The following VWC2L variants were observed in gnomAD, a reference collection of about 807,000 sequenced individuals.
VWC2L encodes the protein von Willebrand factor C domain containing 2 like.
VWC2L carries 10 observed loss-of-function variants against 21.6 expected under a neutral mutation model. The ratio of observed to expected loss-of-function variants is 0.46; its 90% CI spans 0.29 to 0.78. The LOEUF (loss-of-function observed/expected upper bound fraction) is 0.78, where lower values mean the gene tolerates loss of function less well. Among genes scored for constraint, VWC2L ranks in the 30% least tolerant of loss-of-function variants. VWC2L has a pLI of 0.10. For missense variants in VWC2L, 209 were observed against 277.1 expected, an observed-to-expected ratio of 0.75 and a Z score of 1.74; for synonymous variants, 96 against 94.3, an observed-to-expected ratio of 1.02 and a Z score of -0.10.
At chr2:214,522,250 C>T (rs931348004) in intron 3 of VWC2L, among the ~76,000 whole-genome samples, 1 of 151,822 alleles carries the variant, frequency 6.6e-6, no homozygotes, top group African/African-American at 2.4e-5. Flanking sequence ...TGGCGGGAGC[C>T]TGTAGTCCCA....
chr2:214,520,371 AT>A (rs910781964), intron 3 of VWC2L, among the ~76,000 whole-genome samples: 140 of 151,566 alleles, frequency 9.2e-4, no homozygotes, highest in African/African-American at 2.5e-3. Context: ...TAAATATTCC[AT>A]TTTTTTTTAA....
intron 3 of VWC2L, among the ~76,000 whole-genome samples, chr2:214,509,411 A>T (rs1689018391): frequency 6.6e-6 from 1 of 152,100 alleles, no homozygotes; most frequent in Admixed American, 6.5e-5. Context: ...CACAGCCTAT[A>T]TACCCCAAGA....
At chr2:214,434,328 G>C (rs1702645955) in intron 2 of VWC2L, among the ~76,000 whole-genome samples, 1 of 152,100 alleles carries the variant, frequency 6.6e-6, no homozygotes. Flanking sequence ...AGATGTCGAG[G>C]TCTCCAAGAA....
chr2:214,517,724 C>T (rs1054970627), intron 3 of VWC2L, among the ~76,000 whole-genome samples: 2 of 152,040 alleles, frequency 1.3e-5, no homozygotes, highest in Non-Finnish European at 2.9e-5. Flanking sequence ...ATATAGAACA[C>T]TTGTAAAATA....
At chr2:214,542,832 C>A (rs1689648994) in intron 3 of VWC2L, among the ~76,000 whole-genome samples, 1 of 152,124 alleles carries the variant, frequency 6.6e-6, no homozygotes. Context: ...TTTATATAAA[C>A]CTCCACATTA....
intron 3 of VWC2L, among the ~76,000 whole-genome samples, chr2:214,445,273 G>T (rs993040082): frequency 1.3e-5 from 2 of 151,600 alleles, no homozygotes; most frequent in African/African-American, 4.8e-5. Flanking sequence ...AATTTTAAAT[G>T]GTGTATATGG....
At chr2:214,414,649 A>C in intron 2 of VWC2L, 66 bp downstream of exon 2, 4 of 1,517,376 alleles carry the variant, frequency 2.6e-6, no homozygotes, top group Non-Finnish European at 3.5e-6. Context: ...GTACATTGCT[A>C]CATTAAAGTC....
chr2:214,551,829 G>A (rs1169195699), intron 3 of VWC2L, among the ~76,000 whole-genome samples: 4 of 152,162 alleles, frequency 2.6e-5, no homozygotes, highest in Non-Finnish European at 5.9e-5. Flanking sequence ...ATTTCTCCCA[G>A]CCAAGCTGTC....
Position 214,523,218 on chromosome 2 carries a change from A to G in VWC2L, c.521-52454A>G, listed in dbSNP as rs185865687. On this transcript the variant is annotated intron_variant, in intron 3 of 3. Transcript: ENST00000312504. The stretch of plus-strand genomic sequence containing the variant: ...ATTGTTGACCTCTGTGACAACATGA[A>G]TCAATGCAGAGAACCCTTTGAGGAA... Among the ~76,000 whole-genome samples, 8 of 152,332 alleles carry G rather than the reference A, an allele frequency of 5.3e-5. No homozygotes were observed. The East Asian group carries it at 1.5e-3, about 29-fold the overall frequency.
intron 3 of VWC2L, among the ~76,000 whole-genome samples, chr2:214,466,630 T>G (rs1052200684): frequency 2.0e-5 from 3 of 152,168 alleles, no homozygotes; most frequent in African/African-American, 7.2e-5. Context: ...TTAATAATAT[T>G]CTGTTTTCTA....
At position 214,411,493 on chromosome 2, in the gene VWC2L, C is replaced by T. The variant is rs574624174; in HGVS notation, c.-374C>T. 1 of 152,324 alleles carries T rather than the reference C, an allele frequency of 6.6e-6. No individual in the cohort carries two copies. The highest frequency in any genetic ancestry group is 2.1e-4 in the South Asian group (1 of 4,832). 9.4% of individuals were successfully genotyped at this position (152,324 alleles called of 1,614,324 possible). On this transcript the variant is annotated 5_prime_UTR_variant, in exon 1 of 4. Transcript: ENST00000312504. ...AAATAAGTTCAACATGATTCTGCTA[C>T]TGGGGTCTGGATTTCTACAGGACCA...
chr2:214,448,905 T>C (rs1375723502), intron 3 of VWC2L, among the ~76,000 whole-genome samples: 1 of 152,106 alleles, frequency 6.6e-6, no homozygotes, highest in African/African-American at 2.4e-5. Flanking sequence ...CTTTCCATCC[T>C]ATTCTCCCAG....
intron 3 of VWC2L, among the ~76,000 whole-genome samples, chr2:214,523,655 A>G (rs1287522623): frequency 6.6e-6 from 1 of 152,152 alleles, no homozygotes; most frequent in Non-Finnish European, 1.5e-5. Flanking sequence ...CCTGGCCAAC[A>G]TGGTGAAACC....
intron 2 of VWC2L, among the ~76,000 whole-genome samples, chr2:214,420,271 A>G (rs1013567167): frequency 2.0e-5 from 3 of 152,176 alleles, no homozygotes; most frequent in Admixed American, 1.3e-4. Flanking sequence ...TTGAGTGGGA[A>G]GAATTTTGGA....
intron 3 of VWC2L, among the ~76,000 whole-genome samples, chr2:214,469,937 A>G (rs1196369752): frequency 2.0e-5 from 3 of 152,172 alleles, no homozygotes; most frequent in Non-Finnish European, 4.4e-5. Context: ...ATGTATCAGC[A>G]TTTTTTAAGC....
At chr2:214,417,839 T>C (rs927714117) in intron 2 of VWC2L, among the ~76,000 whole-genome samples, 1 of 152,068 alleles carries the variant, frequency 6.6e-6, no homozygotes, top group African/African-American at 2.4e-5. Context: ...CAGAATTGAA[T>C]AGAAGTAAAG....
chr2:214,497,439 C>T (rs748539180), intron 3 of VWC2L, among the ~76,000 whole-genome samples: 3 of 152,186 alleles, frequency 2.0e-5, no homozygotes, highest in Admixed American at 6.6e-5. Context: ...ACCCAATTTT[C>T]GCAACCTCAT....
chr2:214,445,425 GA>G (rs910351630), intron 3 of VWC2L, among the ~76,000 whole-genome samples: 15 of 149,026 alleles, frequency 1.0e-4, no homozygotes, highest in Admixed American at 4.7e-4. Flanking sequence ...TAATATTATA[GA>G]AAAAAAAAGC....
chr2:214,411,415 G>C lies in VWC2L; in HGVS notation c.-452G>C, dbSNP rs1185677379. Reference sequence around the variant, plus strand: ...CACTGTGTAAGTGAACTCATGTGTGGAGGAGGCGTAATCAGCCGGGAAATT... The same window carrying C: ...CACTGTGTAAGTGAACTCATGTGTGCAGGAGGCGTAATCAGCCGGGAAATT... On this transcript the variant is annotated 5_prime_UTR_variant, in exon 1 of 4. Coordinates refer to ENST00000312504, the MANE Select transcript of VWC2L (RefSeq NM_001080500.4). 6.6e-6 allele frequency: 1 copy of C among 152,218 alleles called. No individual in the cohort carries two copies. Among genetic ancestry groups the C allele is most frequent in the Admixed American group, 6.5e-5 (1 of 15,284 alleles). 9.4% of individuals were successfully genotyped at this position (152,218 alleles called of 1,614,324 possible).
Sources: gnomAD v4.1 joint callset for allele counts (sites outside exome capture counted in the v4.1 genomes callset) on GRCh38, gnomAD v4.1.1 for gene constraint, MANE v1.5 for transcripts, NCBI Gene and HGNC (gene_info 2026-07-23, HGNC 2026-07-21) for gene names.